The following CBLIF variants were observed in gnomAD, a reference collection of about 807,000 sequenced individuals.
The protein encoded by CBLIF is gastric intrinsic factor (vitamin B synthesis).
In CBLIF, 24 loss-of-function variants were observed where a neutral mutation model predicts 44.9. That is an observed-to-expected ratio of 0.53 (90% confidence interval 0.39 to 0.75). CBLIF has a LOEUF of 0.75. CBLIF is among the 30% of genes least tolerant of loss of function. CBLIF has a pLI of 0.00. For missense variants in CBLIF, 481 were observed against 513.0 expected (o/e 0.94, Z 0.60); for synonymous variants, 183 against 190.9 (o/e 0.96, Z 0.34).
chr11:59,839,796 TAAAATCCAAAC>T (rs1424856372), intron 5 of CBLIF, among the ~76,000 whole-genome samples: 2 of 151,940 alleles, frequency 1.3e-5, no homozygotes, highest in Non-Finnish European at 2.9e-5. Flanking sequence ...TGGCAGGTGA[TAAAATCCAAAC>T]AGAATTCACA....
At chr11:59,830,720 T>C (rs1211701947) in intron 8 of CBLIF, among the ~76,000 whole-genome samples, 2 of 152,208 alleles carry the variant, frequency 1.3e-5, no homozygotes, top group Non-Finnish European at 2.9e-5. Flanking sequence ...AAGTATATTA[T>C]TTCCAATCCT....
chr11:59,843,175 A>G (rs757495531), intron 2 of CBLIF, 34 bp from the exon 3 acceptor site: 3 of 1,315,978 alleles, frequency 2.3e-6, no homozygotes, highest in East Asian at 4.6e-5. Flanking sequence ...TTAGACAGAG[A>G]CATCCTCAGG....
rs1317274950 is a variant in CBLIF at position 59,842,372 on chromosome 11, C to T, written c.511+71G>A. On this transcript the variant is annotated intron_variant, in intron 4 of 8. Transcript: ENST00000257248. ...ATGGGACGCTCTCCTTTGTCACTTC[C>T]CTGCCAGCTCCACCATTCAGTTCAC... The T allele has an allele frequency of 2.6e-6, 4 of 1,549,016 alleles. No individual in the cohort carries two copies. The Admixed American group carries it at 6.7e-5, about 26-fold the overall frequency.
chr11:59,838,670 A>G (rs974440679), intron 5 of CBLIF, among the ~76,000 whole-genome samples: 1 of 152,132 alleles, frequency 6.6e-6, no homozygotes, highest in Non-Finnish European at 1.5e-5. Flanking sequence ...CTCCTCAGCA[A>G]CAATATCTTG....
intron 7 of CBLIF, 33 bp from the exon 8 acceptor site, chr11:59,831,829 A>C: frequency 2.1e-6 from 2 of 966,702 alleles, no homozygotes; most frequent in Non-Finnish European, 3.4e-6. Flanking sequence ...TTAACATCTC[A>C]CTTTAGGTCA....
chr11:59,830,005 A>C (rs553273251), intron 8 of CBLIF, among the ~76,000 whole-genome samples: 29 of 152,288 alleles, frequency 1.9e-4, no homozygotes, highest in Admixed American at 4.6e-4. Context: ...AAGATTTTGT[A>C]AGACATAAGA....
At chr11:59,838,116 C>T (rs981671737) in intron 5 of CBLIF, among the ~76,000 whole-genome samples, 2 of 152,112 alleles carry the variant, frequency 1.3e-5, no homozygotes, top group East Asian at 3.9e-4. Context: ...CCTGAAACCA[C>T]CTAATTCAGC....
chr11:59,844,800 T>C (rs1001461489), intron 1 of CBLIF, among the ~76,000 whole-genome samples: 1 of 152,158 alleles, frequency 6.6e-6, no homozygotes, highest in Non-Finnish European at 1.5e-5. Context: ...TGTCTGTCTT[T>C]GTACCATCAA....
At chr11:59,841,385 AC>A in intron 4 of CBLIF, 61 bp from the exon 5 acceptor site, 1 of 1,137,752 alleles carries the variant, frequency 8.8e-7, no homozygotes, top group Non-Finnish European at 1.3e-6. Context: ...TGAACAGCTA[AC>A]ATTTATTGTG....
rs1410291499 is a variant in CBLIF, at chr11:59,831,661, G to A, written c.1192+17C>T. On this transcript the variant is annotated intron_variant, in intron 8 of 8. Coordinates refer to ENST00000257248, the MANE Select transcript of CBLIF (RefSeq NM_005142.3). ...TCAGACTATGGAAGATAACGCCTATGTCTTTTCTTCCCTCACCTTCATTCA... is the reference window on the plus strand; with the variant it reads ...TCAGACTATGGAAGATAACGCCTATATCTTTTCTTCCCTCACCTTCATTCA... The A allele has an allele frequency of 2.8e-6, 3 of 1,064,266 alleles. No individual in the cohort carries two copies. Among genetic ancestry groups the A allele is most frequent in the Non-Finnish European group, 4.4e-6 (3 of 677,488 alleles). The allele number at this position is 1,064,266 out of a possible 1,614,324, so 65.9% of individuals were successfully genotyped here.
chr11:59,837,763 G>A (rs1458923225), intron 5 of CBLIF, among the ~76,000 whole-genome samples: 1 of 152,110 alleles, frequency 6.6e-6, no homozygotes, highest in Non-Finnish European at 1.5e-5. Context: ...CTTTGTGCTT[G>A]TGTCAGGACT....
intron 3 of CBLIF, 153 bp from the exon 4 acceptor site, chr11:59,842,736 T>C (rs991970663): frequency 1.4e-6 from 1 of 734,764 alleles, no homozygotes; most frequent in Non-Finnish European, 2.4e-6. Flanking sequence ...CTTCAGTGTT[T>C]TTCAAAAGAA....
At chr11:59,843,254 T>A in intron 2 of CBLIF, 113 bp from the exon 3 acceptor site, 1 of 712,050 alleles carries the variant, frequency 1.4e-6, no homozygotes, top group Non-Finnish European at 2.6e-6. Context: ...TTTTTAATAA[T>A]ATGAGCAGTT....
chr11:59,842,890 G>A, intron 3 of CBLIF, 138 bp downstream of exon 3: 1 of 704,614 alleles, frequency 1.4e-6, no homozygotes, highest in Non-Finnish European at 2.6e-6. Flanking sequence ...TGGATTATCA[G>A]AAGGACCAGA....
At chr11:59,831,850 G>A (rs1590854818) in intron 7 of CBLIF, 54 bp from the exon 8 acceptor site, 13 of 845,224 alleles carry the variant, frequency 1.5e-5, no homozygotes, top group Admixed American at 5.1e-5. Flanking sequence ...GGGAATAAGC[G>A]GTAAGATGAA....
At chr11:59,840,918 A>C (rs1866517806) in intron 5 of CBLIF, 2 of 505,910 alleles carry the variant, frequency 4.0e-6, no homozygotes, top group Admixed American at 3.5e-5. Context: ...AAGAGAAACA[A>C]GTTCATATAG....
chr11:59,831,865 T>C (rs1052940759), intron 7 of CBLIF, 69 bp from the exon 8 acceptor site: 4 of 789,252 alleles, frequency 5.1e-6, no homozygotes, highest in Non-Finnish European at 9.3e-6. Context: ...GATGAAGGGA[T>C]AGAGACAGTC....
chr11:59,834,212 C>T (rs1322938700), intron 7 of CBLIF, among the ~76,000 whole-genome samples: 1 of 151,236 alleles, frequency 6.6e-6, no homozygotes, highest in Non-Finnish European at 1.5e-5. Flanking sequence ...CTCCAAAAGC[C>T]TGCCTTTCTG....
At position 59,831,768 on chromosome 11, in the gene CBLIF, G is replaced by C; in HGVS notation, c.1102C>G (p.Leu368Val). ...KFETTMTSWG[L>V]VVSSINNIAE... ...ATATTGTTGATAGAAGAGACGACAA[G>C]GCCCCAAGATGTCATTGTGGTTTCA... Residue 368 changes from leucine to valine, a missense_variant, in exon 8 of 9, where the codon CTT (leucine) becomes GTT (valine). Coordinates refer to ENST00000257248, the MANE Select transcript of CBLIF (RefSeq NM_005142.3). 1 of 1,601,462 alleles carries C rather than the reference G, an allele frequency of 6.2e-7. No individual in the cohort carries two copies. Among genetic ancestry groups the C allele is most frequent in the South Asian group, 1.1e-5 (1 of 90,834 alleles).
Sources: allele counts gnomAD v4.1 joint callset (sites outside exome capture counted in the v4.1 genomes callset), GRCh38; gene constraint gnomAD v4.1.1; transcripts MANE v1.5; gene names NCBI Gene and HGNC (gene_info 2026-07-23, HGNC 2026-07-21).